Variants in BBS9 observed in about 807,000 individuals in gnomAD.
The protein encoded by BBS9 is protein PTHB1.
In BBS9, 89 loss-of-function variants were observed where a neutral mutation model predicts 117.7. That is an observed-to-expected ratio of 0.76 (90% CI 0.64 to 0.90). The LOEUF (loss-of-function observed/expected upper bound fraction) is 0.90, where lower values mean the gene tolerates loss of function less well. BBS9 is among the 40% of genes least tolerant of loss of function. BBS9 has a pLI of 0.00. For synonymous variants in BBS9, 379 were observed against 370.9 expected (o/e 1.02, Z -0.25); for missense variants, 982 against 1,042.2 (o/e 0.94, Z 0.80).
rs573339501 is a variant in BBS9 at position 33,466,245 on chromosome 7, G to A, written c.2116-39218G>A. On this transcript the variant is annotated intron_variant, in intron 19 of 22. Transcript: ENST00000242067. ...ATAGTCACCATGCTGTACATTAGAT[G>A]TTCAGAACTTATTCATCCTCCATGA... Among the ~76,000 whole-genome samples, 6 of 152,152 alleles carry A rather than the reference G, an allele frequency of 3.9e-5. No individual in the cohort carries two copies. The South Asian group carries it at 1.0e-3, about 26-fold the overall frequency.
At chr7:33,327,027 G>C (rs142345468) in intron 9 of BBS9, among the ~76,000 whole-genome samples, 1 of 152,052 alleles carries the variant, frequency 6.6e-6, no homozygotes, top group Non-Finnish European at 1.5e-5. Context: ...ATGTCCACTG[G>C]CACTGAGCCC....
chr7:33,176,127 A>G (rs535436070), intron 4 of BBS9, among the ~76,000 whole-genome samples: 7 of 152,250 alleles, frequency 4.6e-5, no homozygotes, highest in East Asian at 1.9e-4. Flanking sequence ...TTTTTAAATG[A>G]CGACCTGTTT....
rs1554506899 is a variant in BBS9 at position 33,492,215 on chromosome 7, A to AAC, written c.2116-13247_2116-13246insCA. Among the ~76,000 whole-genome samples the AAC allele has an allele frequency of 2.0e-4, 28 of 139,436 alleles. 3 individuals are homozygous for AAC. In the South Asian group the frequency reaches 3.9e-3, roughly 20 times the overall value. 91.5% of individuals were successfully genotyped at this position (139,436 alleles called of 152,430 possible). A position where few individuals can be genotyped will look rare whatever the true frequency, so the allele number is the denominator to read the frequency against. On this transcript the variant is annotated intron_variant, in intron 19 of 22. Transcript: ENST00000242067. ...AAGATTCCACCTCGAAAAAAAAAAC[A>AAC]AAAAAAAAACAAAAAAAAAACTTGG... is the stretch of plus-strand genomic sequence containing the variant.
chr7:33,395,368 G>A (rs1190853269), intron 19 of BBS9, among the ~76,000 whole-genome samples: 1 of 152,136 alleles, frequency 6.6e-6, no homozygotes, highest in Non-Finnish European at 1.5e-5. Flanking sequence ...ACATAAATTT[G>A]TTAGTCAAAG....
At chr7:33,494,428 G>T (rs752769490) in intron 19 of BBS9, among the ~76,000 whole-genome samples, 4 of 152,140 alleles carry the variant, frequency 2.6e-5, no homozygotes, top group Admixed American at 2.6e-4. Context: ...CATAACACTT[G>T]CAGTAAACTC....
intron 18 of BBS9, among the ~76,000 whole-genome samples, 186 bp from the exon 19 acceptor site, chr7:33,387,806 T>A (rs144688124): frequency 8.5e-4 from 130 of 152,352 alleles, no homozygotes; most frequent in Middle Eastern, 3.4e-3. Flanking sequence ...TTTGATCTGT[T>A]CCACTGTATT....
At chr7:33,219,926 C>T (rs148673350) in intron 5 of BBS9, among the ~76,000 whole-genome samples, 40,637 of 152,032 alleles carry the variant, frequency 0.27, 6,135 homozygotes, top group Admixed American at 0.41. Flanking sequence ...TAACACTCAC[C>T]GCGAAGTTCT....
At chr7:33,313,768 C>T (rs1809840126) in intron 9 of BBS9, among the ~76,000 whole-genome samples, 1 of 152,138 alleles carries the variant, frequency 6.6e-6, no homozygotes, top group Non-Finnish European at 1.5e-5. Flanking sequence ...ATTAAGTAAT[C>T]CAGCTCTTGA....
chr7:33,541,946 C>A (rs1852374782), intron 21 of BBS9, among the ~76,000 whole-genome samples: 1 of 120,012 alleles, frequency 8.3e-6, no homozygotes, highest in Admixed American at 9.4e-5. Flanking sequence ...TCTCAATAAA[C>A]TTGTTTAAAA....
intron 9 of BBS9, among the ~76,000 whole-genome samples, chr7:33,279,615 G>A (rs1801433941): frequency 6.6e-6 from 1 of 151,836 alleles, no homozygotes; most frequent in South Asian, 2.1e-4. Flanking sequence ...AGTCTAAGAT[G>A]TTTTTTTTCT....
Position 33,443,997 on chromosome 7 carries a change from C to A in BBS9, c.2115+55853C>A, listed in dbSNP as rs1201994197. 4.6e-5 allele frequency among the ~76,000 whole-genome samples: 7 copies of A among 152,160 alleles called. No homozygotes were observed. The East Asian group carries it at 1.3e-3, about 29-fold the overall frequency. ...CTCTGACCTCTGAAATGACCTTTCC[C>A]ATTACCTCCTCAGGTTTGAAGGATA... On this transcript the variant is annotated intron_variant, in intron 19 of 22. Transcript: ENST00000242067.
intron 5 of BBS9, among the ~76,000 whole-genome samples, chr7:33,214,479 G>A (rs1458983440): frequency 1.3e-5 from 2 of 152,150 alleles, no homozygotes. Flanking sequence ...TCAGTGATAT[G>A]GAGTTAAAAC....
chr7:33,474,401 C>T (rs185378367), intron 19 of BBS9, among the ~76,000 whole-genome samples: 5 of 152,306 alleles, frequency 3.3e-5, no homozygotes, highest in Admixed American at 1.3e-4. Flanking sequence ...CTTTTTGCCC[C>T]TTAACTTTAA....
At chr7:33,627,012 A>G (rs1865668430) in intron 21 of BBS9, among the ~76,000 whole-genome samples, 1 of 152,250 alleles carries the variant, frequency 6.6e-6, no homozygotes. Flanking sequence ...TTACTAGCCA[A>G]GACAATGGGG....
chr7:33,148,751 A>G (rs770611746), intron 2 of BBS9, among the ~76,000 whole-genome samples: 39 of 147,122 alleles, frequency 2.7e-4, no homozygotes, highest in Non-Finnish European at 5.1e-4. Flanking sequence ...TGCAGCCTCA[A>G]CCTCCCAGGT....
At chr7:33,258,496 A>G (rs959645762) in intron 6 of BBS9, among the ~76,000 whole-genome samples, 9 of 152,156 alleles carry the variant, frequency 5.9e-5, no homozygotes, top group Non-Finnish European at 4.4e-5. Context: ...CGATTTAGGA[A>G]GTGTATCATC....
intron 5 of BBS9, among the ~76,000 whole-genome samples, chr7:33,243,147 T>G (rs1250894353): frequency 6.6e-6 from 1 of 152,232 alleles, no homozygotes; most frequent in Middle Eastern, 3.2e-3. Flanking sequence ...TTAGAAAAGG[T>G]CATCAATGTA....
At chr7:33,419,235 G>C (rs2128849834) in intron 19 of BBS9, among the ~76,000 whole-genome samples, 1 of 152,126 alleles carries the variant, frequency 6.6e-6, no homozygotes, top group East Asian at 1.9e-4. Flanking sequence ...CTATTTGCTA[G>C]TTAATGAAAA....
In BBS9 at chr7:33,499,010, C is replaced by T. The variant is rs919473445; in HGVS notation, c.2116-6453C>T. On this transcript the variant is annotated intron_variant, in intron 19 of 22. Coordinates refer to ENST00000242067, the MANE Select transcript of BBS9 (RefSeq NM_198428.3). ...TACGTGGGTTCCAATTTCTCCACAT[C>T]CTTGCCAGCACTTGTTATTGTCCAT... Among the ~76,000 whole-genome samples the T allele has an allele frequency of 5.6e-4, 86 of 152,276 alleles. 1 individual carries two copies. The highest frequency in any genetic ancestry group is 4.7e-4 in the Non-Finnish European group (32 of 68,018).
Sources: allele counts gnomAD v4.1 joint callset (sites outside exome capture counted in the v4.1 genomes callset), GRCh38; gene constraint gnomAD v4.1.1; transcripts MANE v1.5; gene names NCBI Gene and HGNC (gene_info 2026-07-23, HGNC 2026-07-21).